Variants in TULP4 observed in about 807,000 individuals in gnomAD.
TULP4 encodes TUB like protein 4.
Under a neutral mutation model 129.0 loss-of-function variants are expected in TULP4, and 16 were observed. The observed-to-expected ratio is 0.12, with a 90% CI of 0.08 to 0.19. The LOEUF is 0.19. Among genes scored for constraint, TULP4 ranks in the 10% least tolerant of loss-of-function variants. TULP4 has a pLI of 1.00. For missense variants in TULP4, 1,842 were observed against 2,059.1 expected, an observed-to-expected ratio of 0.89 and a Z score of 2.04; for synonymous variants, 998 against 854.0, an observed-to-expected ratio of 1.17 and a Z score of -2.94.
chr6:158,337,132 T>C (rs1178381588), intron 1 of TULP4, among the ~76,000 whole-genome samples: 3 of 131,024 alleles, frequency 2.3e-5, no homozygotes, highest in Non-Finnish European at 3.3e-5. Context: ...CTTTCTCTTT[T>C]TTTTTTTTTT....
chr6:158,328,357 A>G (rs1779797095), intron 1 of TULP4, among the ~76,000 whole-genome samples: 2 of 152,030 alleles, frequency 1.3e-5, no homozygotes, highest in African/African-American at 2.4e-5. Context: ...TGCCCAAAGT[A>G]AGGCATCTCT....
intron 1 of TULP4, among the ~76,000 whole-genome samples, chr6:158,334,601 C>CCACA (rs1554281173): frequency 5.3e-5 from 8 of 151,686 alleles, no homozygotes; most frequent in South Asian, 2.1e-4. Context: ...CCCCTAACCC[C>CCACA]CGCATTGTTC....
chr6:158,407,285 C>G (rs1236334943), intron 1 of TULP4, among the ~76,000 whole-genome samples: 1 of 152,234 alleles, frequency 6.6e-6, no homozygotes, highest in Non-Finnish European at 1.5e-5. Flanking sequence ...TGCTCCGCAT[C>G]ATTAACCATC....
At chr6:158,377,947 C>T (rs1440181464) in intron 1 of TULP4, among the ~76,000 whole-genome samples, 1 of 152,138 alleles carries the variant, frequency 6.6e-6, no homozygotes, top group Non-Finnish European at 1.5e-5. Flanking sequence ...CTTACACTCT[C>T]AGCTAGACTC....
intron 1 of TULP4, among the ~76,000 whole-genome samples, chr6:158,392,945 C>T (rs1227362499): frequency 6.7e-6 from 1 of 148,426 alleles, no homozygotes; most frequent in African/African-American, 2.5e-5. Context: ...GGATTACAGG[C>T]ACTCCAGCCT....
At chr6:158,395,370 C>T (rs554955351) in intron 1 of TULP4, among the ~76,000 whole-genome samples, 3 of 151,886 alleles carry the variant, frequency 2.0e-5, no homozygotes, top group African/African-American at 4.8e-5. Flanking sequence ...CACCTAAGGT[C>T]GGGAGTTTGA....
At chr6:158,327,032 A>C (rs1406948106) in intron 1 of TULP4, among the ~76,000 whole-genome samples, 1 of 152,222 alleles carries the variant, frequency 6.6e-6, no homozygotes, top group African/African-American at 2.4e-5. Context: ...ACAGTCCTGC[A>C]ACCATCCCCC....
intron 1 of TULP4, among the ~76,000 whole-genome samples, chr6:158,403,242 T>C (rs1314276582): frequency 1.3e-5 from 2 of 152,186 alleles, no homozygotes; most frequent in Non-Finnish European, 2.9e-5. Flanking sequence ...CATTCCCTAC[T>C]TGGTCTTCCA....
intron 1 of TULP4, among the ~76,000 whole-genome samples, chr6:158,405,749 C>G (rs1162351936): frequency 1.3e-5 from 2 of 152,058 alleles, no homozygotes; most frequent in African/African-American, 4.8e-5. Context: ...CTTGGCGTTC[C>G]AAAGGCCACA....
chr6:158,429,070 C>A (rs1476946848), intron 2 of TULP4, among the ~76,000 whole-genome samples: 1 of 152,176 alleles, frequency 6.6e-6, no homozygotes, highest in Non-Finnish European at 1.5e-5. Context: ...AAGGCCTCAA[C>A]CTCCTAGGCT....
intron 1 of TULP4, among the ~76,000 whole-genome samples, chr6:158,319,475 G>T (rs1440420535): frequency 1.3e-5 from 2 of 151,910 alleles, no homozygotes; most frequent in African/African-American, 2.4e-5. Flanking sequence ...TGTCCCCACC[G>T]GCCATCCCTT....
In TULP4 at chr6:158,498,577, C is replaced by G. The variant is rs1396660674; in HGVS notation, c.1871-92C>G. ...GATCTGTCTTCTGATGGCAGGGAAA[C>G]TGCAGTGCGCTCTTCTTCCTGTGAC... On this transcript the variant is annotated intron_variant, in intron 11 of 13. Coordinates refer to ENST00000367097, the MANE Select transcript of TULP4 (RefSeq NM_020245.5). 6 of 1,499,706 alleles carry G rather than the reference C, an allele frequency of 4.0e-6. No individual in the cohort carries two copies. The Admixed American group carries it at 8.7e-5, about 22-fold the overall frequency. 92.9% of individuals were successfully genotyped at this position (1,499,706 alleles called of 1,614,324 possible).
intron 11 of TULP4, among the ~76,000 whole-genome samples, chr6:158,498,167 C>T (rs777593493): frequency 2.6e-5 from 4 of 152,090 alleles, no homozygotes; most frequent in Non-Finnish European, 5.9e-5. Flanking sequence ...AGGTTCCAGC[C>T]GAAATGAAGG....
chr6:158,296,433 G>A (rs576201882), intron 1 of TULP4, among the ~76,000 whole-genome samples: 2 of 152,112 alleles, frequency 1.3e-5, no homozygotes, highest in African/African-American at 4.8e-5. Flanking sequence ...GCCTGCCTGA[G>A]CCTCAAACCA....
intron 5 of TULP4, among the ~76,000 whole-genome samples, chr6:158,458,317 A>T (rs1779340053): frequency 6.6e-6 from 1 of 152,214 alleles, no homozygotes; most frequent in Non-Finnish European, 1.5e-5. Flanking sequence ...AAAAGAGAAT[A>T]GTGTAGGTGT....
chr6:158,321,261 G>A (rs944955760), intron 1 of TULP4, among the ~76,000 whole-genome samples: 1 of 152,078 alleles, frequency 6.6e-6, no homozygotes, highest in Admixed American at 6.6e-5. Context: ...TCCTGTTACT[G>A]TTCTGGCCTC....
chr6:158,365,763 G>A (rs545182696), intron 1 of TULP4, among the ~76,000 whole-genome samples: 68 of 151,644 alleles, frequency 4.5e-4, no homozygotes, highest in South Asian at 3.3e-3. Context: ...GAGCTACCGC[G>A]CCCGGCCTGG....
chr6:158,401,546 T>C (rs891408167), intron 1 of TULP4, among the ~76,000 whole-genome samples: 19 of 152,346 alleles, frequency 1.2e-4, no homozygotes, highest in East Asian at 5.8e-4. Flanking sequence ...TAGTTAGTGA[T>C]GAAAAATGGA....
At chr6:158,295,510 T>C (rs1350223663) in intron 1 of TULP4, among the ~76,000 whole-genome samples, 1 of 152,086 alleles carries the variant, frequency 6.6e-6, no homozygotes, top group Non-Finnish European at 1.5e-5. Context: ...TTGTGAGATA[T>C]ACATACAGAA....
Sources: gnomAD v4.1 joint callset for allele counts (sites outside exome capture counted in the v4.1 genomes callset) on GRCh38, gnomAD v4.1.1 for gene constraint, MANE v1.5 for transcripts, NCBI Gene and HGNC (gene_info 2026-07-23, HGNC 2026-07-21) for gene names.